The following UNK variants were observed in gnomAD, a reference collection of about 807,000 sequenced individuals.
UNK encodes RING finger protein unkempt homolog.
A neutral mutation model predicts 97.6 loss-of-function variants in UNK; 32 were observed. That is an observed-to-expected ratio of 0.33 (90% CI 0.25 to 0.44). UNK has a LOEUF of 0.44. Ranked by LOEUF, UNK falls within the 20% of genes least tolerant of loss-of-function variation. The probability of loss-of-function intolerance (pLI) is 1.00; values close to 1 mark genes in which losing one functional copy is unlikely to be tolerated. For missense variants in UNK, 771 were observed against 1,098.4 expected (o/e 0.70, Z 4.21); for synonymous variants, 441 against 461.2 (o/e 0.96, Z 0.56).
Position 75,809,757 on chromosome 17 carries a change from C to T in UNK, c.105-3C>T, listed in dbSNP as rs771297595. 2 of 1,602,634 alleles carry T rather than the reference C, an allele frequency of 1.2e-6. No homozygotes were observed. The highest frequency in any genetic ancestry group is 1.1e-5 in the South Asian group (1 of 89,440). On this transcript the variant is annotated splice_polypyrimidine_tract_variant and splice_region_variant and intron_variant, in intron 1 of 15. Coordinates refer to ENST00000589666, the MANE Select transcript of UNK (RefSeq NM_001080419.3). ...CCTGCCCCACGCGGGGCTCTCTCTG[C>T]AGGTACCTGAAAGAATTCCGCACAG...
At chr17:75,787,225 CT>C (rs1336343111) in intron 1 of UNK, among the ~76,000 whole-genome samples, 1 of 151,768 alleles carries the variant, frequency 6.6e-6, no homozygotes, top group Non-Finnish European at 1.5e-5. Context: ...TTTTCTTTTT[CT>C]TTTTTTTAAG....
chr17:75,812,205 G>A lies in UNK; in HGVS notation c.408G>A (p.Ser136=), dbSNP rs753986991. 11 of 1,613,928 alleles carry A rather than the reference G, an allele frequency of 6.8e-6. No homozygotes were observed. Among genetic ancestry groups the A allele is most frequent in the South Asian group, 3.3e-5 (3 of 91,088 alleles). ...GAATCTGCATCCACGAGACAGACTC[G>A]AAAGGCAACTGCACCAAAAACGGCC... is the stretch of plus-strand genomic sequence containing the variant. ...KTGICIHETD[S]KGNCTKNGLH... The change falls in exon 3 of 16, where the codon TCG becomes TCA. Residue 136 remains serine (S), a synonymous_variant. Coordinates refer to ENST00000589666, the MANE Select transcript of UNK (RefSeq NM_001080419.3).
intron 7 of UNK, among the ~76,000 whole-genome samples, chr17:75,815,867 C>T (rs1166229444): frequency 8.6e-6 from 1 of 116,066 alleles, no homozygotes; most frequent in Non-Finnish European, 1.7e-5. Flanking sequence ...GCCTGGGCAA[C>T]AGGGCGAGAC....
At chr17:75,823,182 A>AGTGGGCTGC in intron 14 of UNK, 83 bp from the exon 15 acceptor site, 1 of 1,499,660 alleles carries the variant, frequency 6.7e-7, no homozygotes, top group Non-Finnish European at 8.9e-7. Flanking sequence ...CCTCGCAGCC[A>AGTGGGCTGC]GAGTGGCCCC....
At chr17:75,813,240 C>G in intron 5 of UNK, 27 bp downstream of exon 5, 1 of 1,557,946 alleles carries the variant, frequency 6.4e-7, no homozygotes, top group Non-Finnish European at 8.7e-7. Context: ...AGGCCAGCCA[C>G]GGGAGGGAGG....
chr17:75,818,936 T>A lies in UNK; in HGVS notation c.1546+120T>A, dbSNP rs2062041454. On this transcript the variant is annotated intron_variant, in intron 11 of 15. Coordinates refer to ENST00000589666, the MANE Select transcript of UNK (RefSeq NM_001080419.3). The surrounding 1 kb of genome is among the most constrained non-coding windows in gnomAD (Gnocchi z 5.1). ...CCCTTAGACATCTGTCTTCGGAAAA[T>A]CAGGGGATGGGCACTCTGAGTCCTT... 1 of 1,211,496 alleles carries A rather than the reference T, an allele frequency of 8.3e-7. No individual in the cohort carries two copies. Among genetic ancestry groups the A allele is most frequent in the South Asian group, 1.8e-5 (1 of 56,830 alleles). 75.0% of individuals were successfully genotyped at this position (1,211,496 alleles called of 1,614,324 possible). A position where few individuals can be genotyped will look rare whatever the true frequency, so the allele number is the denominator to read the frequency against.
rs745619746 is a variant in UNK at position 75,823,426 on chromosome 17, G to A, written c.2181G>A (p.Gln727=). ...LERLHAGPEP[Q]ALPAFSDLEA... ...GGCTACACGCGGGGCCTGAGCCCCA[G>A]GCCCTGCCCGCCTTCTCCGACCTGG... The change falls in exon 15 of 16, where the codon CAG becomes CAA. Residue 727 remains glutamine, a synonymous_variant. Coordinates refer to ENST00000589666, the MANE Select transcript of UNK (RefSeq NM_001080419.3). The A allele has an allele frequency of 3.8e-6, 6 of 1,594,734 alleles. No individual in the cohort carries two copies. Among genetic ancestry groups the A allele is most frequent in the Non-Finnish European group, 5.1e-6 (6 of 1,169,596 alleles).
At chr17:75,786,417 G>GT (rs1824605211) in intron 1 of UNK, among the ~76,000 whole-genome samples, 1 of 152,164 alleles carries the variant, frequency 6.6e-6, no homozygotes, top group Non-Finnish European at 1.5e-5. Context: ...AGCAACTTGT[G>GT]TTTCTGTGTT....
intron 13 of UNK, chr17:75,821,411 C>T (rs1282935480): frequency 4.4e-6 from 2 of 455,052 alleles, no homozygotes; most frequent in African/African-American, 4.0e-5. Flanking sequence ...CCTACCTGGA[C>T]AGCAGAGTCA....
chr17:75,794,127 A>G (rs1235006359), intron 1 of UNK: 45 of 979,410 alleles, frequency 4.6e-5, no homozygotes, highest in Non-Finnish European at 5.3e-5. Flanking sequence ...CTGTTTTACT[A>G]TTGAAGTAAG....
At chr17:75,810,472 CAT>C (rs1442067859) in intron 2 of UNK, among the ~76,000 whole-genome samples, 1 of 152,190 alleles carries the variant, frequency 6.6e-6, no homozygotes, top group Non-Finnish European at 1.5e-5. Context: ...TAATGACAGA[CAT>C]AGGGAGGTGC....
intron 1 of UNK, among the ~76,000 whole-genome samples, chr17:75,788,484 C>T (rs2061733749): frequency 6.6e-6 from 1 of 151,784 alleles, no homozygotes; most frequent in South Asian, 2.1e-4. Flanking sequence ...GTCTGCCTGT[C>T]AAATTTTTTA....
At chr17:75,788,069 A>G (rs1442223885) in intron 1 of UNK, among the ~76,000 whole-genome samples, 1 of 152,180 alleles carries the variant, frequency 6.6e-6, no homozygotes. Context: ...CAGTGGGTAC[A>G]CATGGACATA....
intron 1 of UNK, among the ~76,000 whole-genome samples, chr17:75,794,375 G>A (rs1891177578): frequency 6.6e-6 from 1 of 152,106 alleles, no homozygotes; most frequent in African/African-American, 2.4e-5. Flanking sequence ...GGTGGCTCAC[G>A]CCTGTAATCC....
chr17:75,799,157 C>T (rs1474169712), intron 1 of UNK, among the ~76,000 whole-genome samples: 1 of 151,372 alleles, frequency 6.6e-6, no homozygotes, highest in Non-Finnish European at 1.5e-5. Context: ...CAAAAAAATA[C>T]AAAAATTAGC....
Position 75,818,671 on chromosome 17 carries a change from C to A in UNK, c.1401C>A (p.Ser467Arg). The A allele has an allele frequency of 6.3e-7, 1 of 1,599,926 alleles. No individual in the cohort carries two copies. Among genetic ancestry groups the A allele is most frequent in the Non-Finnish European group, 8.5e-7 (1 of 1,172,542 alleles). Residue 467 changes from serine to arginine, a missense_variant, in exon 11 of 16, where the codon AGC (serine) becomes AGA (arginine). Ser to Arg is a moderately radical substitution (Grantham distance 110, BLOSUM62 -1). Around this residue, in one of 5 missense-constraint regions of UNK, gnomAD observed 192 missense variants for 202.4 expected, o/e 0.95. Transcript: ENST00000589666. This position sits in a 1 kb window ranked among gnomAD's most constrained non-coding sequence, Gnocchi z 5.1. ...QDMLGILPAG[S>R]PLTSSISSSI... ...TGCTGGGCATCCTCCCCGCAGGCAG[C>A]CCCCTGACCTCAAGCATCTCTTCTA...
intron 5 of UNK, among the ~76,000 whole-genome samples, chr17:75,813,445 G>A (rs1286898741): frequency 1.3e-5 from 2 of 152,210 alleles, no homozygotes; most frequent in South Asian, 2.1e-4. Context: ...AGGCTCCACC[G>A]CTCCTGATCC....
intron 6 of UNK, among the ~76,000 whole-genome samples, chr17:75,814,272 T>C (rs915918447): frequency 3.3e-5 from 5 of 151,894 alleles, no homozygotes; most frequent in Admixed American, 1.3e-4. Context: ...GAGGCCGAGG[T>C]GGGTGCATCA....
rs1000629744 is a variant in UNK, at chr17:75,817,990, A to C, written c.1306-113A>C. On this transcript the variant is annotated intron_variant, in intron 9 of 15. Transcript: ENST00000589666. The surrounding 1 kb of genome is among the most constrained non-coding windows in gnomAD (Gnocchi z 5.8). ...AGGGGGTGTGTGCATGCATGTGAAGAGGGGTTGCATGTCTGCCACCACCTG... is the reference window on the plus strand; with the variant it reads ...AGGGGGTGTGTGCATGCATGTGAAGCGGGGTTGCATGTCTGCCACCACCTG... 5.2e-6 allele frequency: 5 copies of C among 964,854 alleles called. No homozygotes were observed. In the Admixed American group the frequency reaches 7.7e-5, roughly 15 times the overall value. The allele number at this position is 964,854 out of a possible 1,614,324, so 59.8% of individuals were successfully genotyped here.
Sources: allele counts gnomAD v4.1 joint callset (sites outside exome capture counted in the v4.1 genomes callset), GRCh38; gene constraint gnomAD v4.1.1; regional missense constraint gnomAD v4.1.1; non-coding constraint Gnocchi (gnomAD v3.1); transcripts MANE v1.5; gene names NCBI Gene and HGNC (gene_info 2026-07-23, HGNC 2026-07-21).